Variants in CDK8 observed in about 807,000 individuals in gnomAD.
CDK8 encodes the protein cyclin-dependent kinase 8.
A neutral mutation model predicts 71.5 loss-of-function variants in CDK8; 29 were observed. The ratio of observed to expected loss-of-function variants is 0.41; its 90% CI spans 0.30 to 0.55. CDK8 has a LOEUF of 0.55. CDK8 is among the 20% of genes least tolerant of loss of function. The pLI is 0.37. For synonymous variants in CDK8, 161 were observed against 192.1 expected, an observed-to-expected ratio of 0.84 and a Z score of 1.34; for missense variants, 288 against 572.6, an observed-to-expected ratio of 0.50 and a Z score of 5.07.
chr13:26,391,593 C>T (rs939282044), intron 6 of CDK8, among the ~76,000 whole-genome samples: 1 of 152,196 alleles, frequency 6.6e-6, no homozygotes, highest in Non-Finnish European at 1.5e-5. Context: ...TCCTACTTAG[C>T]TGCCTATGTG....
At chr13:26,341,472 G>A (rs1199827984) in intron 2 of CDK8, among the ~76,000 whole-genome samples, 3 of 152,096 alleles carry the variant, frequency 2.0e-5, no homozygotes, top group African/African-American at 7.2e-5. Context: ...GTTGAAAAAG[G>A]TTTCACAGGT....
intron 8 of CDK8, 118 bp from the exon 9 acceptor site, chr13:26,397,035 G>T (rs1398152146): frequency 2.3e-5 from 15 of 661,480 alleles, no homozygotes; most frequent in Non-Finnish European, 4.1e-5. Flanking sequence ...TGCTCATAGT[G>T]TTTTCAATAT....
chr13:26,305,090 C>CT (rs1258770821), intron 1 of CDK8, among the ~76,000 whole-genome samples: 1 of 152,166 alleles, frequency 6.6e-6, no homozygotes, highest in African/African-American at 2.4e-5. Flanking sequence ...CATTATCATG[C>CT]TTCCTTTTTG....
At chr13:26,339,754 A>ACATATATATATATATATAT (rs66521623) in intron 2 of CDK8, among the ~76,000 whole-genome samples, 2 of 129,350 alleles carry the variant, frequency 1.5e-5, no homozygotes, top group Non-Finnish European at 3.3e-5. Context: ...ACTTAAAAAA[A>ACATATATATATATATATAT]AAATATATAT....
intron 1 of CDK8, among the ~76,000 whole-genome samples, chr13:26,333,435 C>T (rs190560978): frequency 1.3e-3 from 194 of 152,198 alleles, no homozygotes; most frequent in African/African-American, 4.1e-3. Context: ...CCACCACACC[C>T]GGCTGATATG....
At chr13:26,344,725 C>T (rs1873388566) in intron 2 of CDK8, among the ~76,000 whole-genome samples, 1 of 151,392 alleles carries the variant, frequency 6.6e-6, no homozygotes, top group Admixed American at 6.6e-5. Flanking sequence ...TCACTTCAGC[C>T]TGGGCAATAT....
At chr13:26,381,272 C>A (rs1270543638) in intron 4 of CDK8, among the ~76,000 whole-genome samples, 1 of 152,146 alleles carries the variant, frequency 6.6e-6, no homozygotes, top group Non-Finnish European at 1.5e-5. Context: ...TCTCTGCCTT[C>A]AGCATTTTGC....
At chr13:26,297,469 C>T (rs1260991226) in intron 1 of CDK8, among the ~76,000 whole-genome samples, 1 of 152,092 alleles carries the variant, frequency 6.6e-6, no homozygotes, top group Non-Finnish European at 1.5e-5. Flanking sequence ...TTCCAAAGAC[C>T]TTCTACTTCT....
intron 1 of CDK8, among the ~76,000 whole-genome samples, chr13:26,311,612 C>G (rs1158614393): frequency 6.6e-6 from 1 of 152,180 alleles, no homozygotes; most frequent in Non-Finnish European, 1.5e-5. Flanking sequence ...GAGAACAAGT[C>G]TTTCTCATGG....
At chr13:26,341,944 C>T (rs1460213124) in intron 2 of CDK8, among the ~76,000 whole-genome samples, 2 of 150,970 alleles carry the variant, frequency 1.3e-5, no homozygotes, top group Admixed American at 1.3e-4. Flanking sequence ...TTTTTTGAGA[C>T]GAAGTCTCGC....
chr13:26,298,559 G>GT (rs1873671735), intron 1 of CDK8, among the ~76,000 whole-genome samples: 1 of 151,974 alleles, frequency 6.6e-6, no homozygotes, highest in East Asian at 1.9e-4. Flanking sequence ...ACAAAATTCA[G>GT]TTTTTTCCTA....
chr13:26,395,474 C>T lies in CDK8; in HGVS notation c.791-811C>T, dbSNP rs1284834484. On this transcript the variant is annotated intron_variant, in intron 7 of 12. Coordinates refer to ENST00000381527, the MANE Select transcript of CDK8 (RefSeq NM_001260.3). ...CTCCGGCCTGGGCTGTTAACAAGAGCGAAACTCCGTCTCAAAAAAAAAAAA... is the reference window on the plus strand; with the variant it reads ...CTCCGGCCTGGGCTGTTAACAAGAGTGAAACTCCGTCTCAAAAAAAAAAAA... Among the ~76,000 whole-genome samples, 6 of 143,568 alleles carry T rather than the reference C, an allele frequency of 4.2e-5. No individual in the cohort carries two copies. In the South Asian group the frequency reaches 8.9e-4, roughly 21 times the overall value. 94.2% of individuals were successfully genotyped at this position (143,568 alleles called of 152,430 possible).
chr13:26,299,135 T>C (rs1240776601), intron 1 of CDK8, among the ~76,000 whole-genome samples: 1 of 152,198 alleles, frequency 6.6e-6, no homozygotes, highest in Non-Finnish European at 1.5e-5. Context: ...GTTCATGTTA[T>C]TTCTCTTTTT....
intron 4 of CDK8, among the ~76,000 whole-genome samples, chr13:26,366,031 T>A (rs1246400632): frequency 6.6e-6 from 1 of 152,126 alleles, no homozygotes; most frequent in Admixed American, 6.5e-5. Flanking sequence ...GAGTCAGGTT[T>A]TAGAGTTATT....
chr13:26,401,409 T>TTG lies in CDK8; in HGVS notation c.1111-54_1111-53dup. 3 of 1,612,826 alleles carry TTG rather than the reference T, an allele frequency of 1.9e-6. No individual in the cohort carries two copies. Among genetic ancestry groups the TTG allele is most frequent in the Non-Finnish European group, 2.5e-6 (3 of 1,178,858 alleles). Reference sequence around the variant, plus strand: ...GTGAATGCCTCCATAACATTTTCCATTGTGGGTATATTTTGTTCTCCCTCT... The same window carrying TTG: ...GTGAATGCCTCCATAACATTTTCCATTGTGTGGGTATATTTTGTTCTCCCTCT... On this transcript the variant is annotated intron_variant, in intron 11 of 12. Transcript: ENST00000381527. The surrounding 1 kb of genome is among the most constrained non-coding windows in gnomAD (Gnocchi z 4.5).
intron 6 of CDK8, among the ~76,000 whole-genome samples, chr13:26,389,305 T>C (rs1875629620): frequency 6.6e-6 from 1 of 152,070 alleles, no homozygotes; most frequent in South Asian, 2.1e-4. Context: ...GGTTACAGGC[T>C]TGTGCCACCA....
intron 2 of CDK8, among the ~76,000 whole-genome samples, chr13:26,339,695 TTTTATTTATTTATTTA>T (rs370690774): frequency 9.5e-5 from 13 of 136,426 alleles, no homozygotes; most frequent in African/African-American, 2.9e-4. Flanking sequence ...ATACTTTCCA[TTTTATTTATTTATTTA>T]TTTATTTATT....
intron 9 of CDK8, among the ~76,000 whole-genome samples, chr13:26,397,528 TTAA>T (rs1876054189): frequency 6.6e-6 from 1 of 151,510 alleles, no homozygotes; most frequent in Admixed American, 6.6e-5. Flanking sequence ...GTTTAAGATT[TTAA>T]AAGTTCCAGA....
chr13:26,254,222 TGAGGCGTGAGTGCGCGTGTGAGAGGAC>T lies in CDK8; in HGVS notation c.-416_-390del. 1 of 267,184 alleles carries T rather than the reference TGAGGCGTGAGTGCGCGTGTGAGAGGAC, an allele frequency of 3.7e-6. No homozygotes were observed. Among genetic ancestry groups the T allele is most frequent in the Non-Finnish European group, 7.2e-6 (1 of 139,326 alleles). The allele number at this position is 267,184 out of a possible 1,614,324, so 16.6% of individuals were successfully genotyped here. ...GAGTGTGAGCGTGTGTGTGAGAGCGTGAGGCGTGAGTGCGCGTGTGAGAGGACGAGAGCCCGCCTGGCCGCCCCGCCG... is the reference window on the plus strand; with the variant it reads ...GAGTGTGAGCGTGTGTGTGAGAGCGTGAGAGCCCGCCTGGCCGCCCCGCCG... On this transcript the variant is annotated 5_prime_UTR_variant, in exon 1 of 13. Coordinates refer to ENST00000381527, the MANE Select transcript of CDK8 (RefSeq NM_001260.3). The surrounding 1 kb of genome is among the most constrained non-coding windows in gnomAD (Gnocchi z 6.7).
Sources: allele counts gnomAD v4.1 joint callset (sites outside exome capture counted in the v4.1 genomes callset), GRCh38; gene constraint gnomAD v4.1.1; non-coding constraint Gnocchi (gnomAD v3.1); transcripts MANE v1.5; gene names NCBI Gene and HGNC (gene_info 2026-07-23, HGNC 2026-07-21).